The following ABCF2 variants were observed in gnomAD, a reference collection of about 807,000 sequenced individuals.
ABCF2 encodes ATP binding cassette subfamily F member 2, also known as ATP-binding cassette sub-family F member 2.
In ABCF2, 37 loss-of-function variants were observed where a neutral mutation model predicts 76.9. The observed-to-expected ratio is 0.48, with a 90% CI of 0.37 to 0.63. The LOEUF is 0.63. Among genes scored for constraint, ABCF2 ranks in the 30% least tolerant of loss-of-function variants. ABCF2 has a pLI of 0.00. For missense variants in ABCF2, 524 were observed against 782.1 expected (o/e 0.67, Z 3.94); for synonymous variants, 299 against 283.7 (o/e 1.05, Z -0.54).
Position 151,215,489 on chromosome 7 carries a change from G to A in ABCF2, c.1530+115C>T. 7.6e-7 allele frequency: 1 copy of A among 1,311,886 alleles called. No individual in the cohort carries two copies. The highest frequency in any genetic ancestry group is 1.1e-6 in the Non-Finnish European group (1 of 945,074). 81.3% of individuals were successfully genotyped at this position (1,311,886 alleles called of 1,614,324 possible). A position where few individuals can be genotyped will look rare whatever the true frequency, so the allele number is the denominator to read the frequency against. The stretch of plus-strand genomic sequence containing the variant: ...TAGGTTCTTAGGGGAGTCAAATGGA[G>A]GAGACTCTGGTTTGGACAGCTTCCA... On this transcript the variant is annotated intron_variant, in intron 13 of 14. Coordinates refer to ENST00000287844, the MANE Select transcript of ABCF2 (RefSeq NM_007189.3). This position sits in a 1 kb window ranked among gnomAD's most constrained non-coding sequence, Gnocchi z 4.6.
intron 9 of ABCF2, 34 bp from the exon 10 acceptor site, chr7:151,218,684 T>G (rs1207755011): frequency 3.7e-6 from 6 of 1,613,552 alleles, no homozygotes; most frequent in African/African-American, 2.7e-5. Context: ...TCAAGTTGGC[T>G]CCTTTCTTAT....
rs546649856 is a variant in ABCF2 at position 151,215,245 on chromosome 7, C to A, written c.1531-163G>T. 5.3e-5 allele frequency among the ~76,000 whole-genome samples: 8 copies of A among 152,274 alleles called. No homozygotes were observed. The highest frequency in any genetic ancestry group is 1.9e-4 in the African/African-American group (8 of 41,548). ...CTCTTGAGGCCTGAAAGAGACTCAT[C>A]CGGAAACCTGAAGCCCTTGCCATTA... On this transcript the variant is annotated intron_variant, in intron 13 of 14. Transcript: ENST00000287844. The surrounding 1 kb of genome is among the most constrained non-coding windows in gnomAD (Gnocchi z 4.6).
intron 6 of ABCF2, 60 bp from the exon 7 acceptor site, chr7:151,221,740 G>A: frequency 7.7e-7 from 1 of 1,297,138 alleles, no homozygotes; most frequent in Non-Finnish European, 1.1e-6. Context: ...CTGACAACAG[G>A]TGAACTGAAA....
Position 151,218,953 on chromosome 7 carries a change from G to A in ABCF2, c.1018-80C>T, listed in dbSNP as rs959666710. Reference sequence around the variant, plus strand: ...TCAATCCAGGGTAAAAATGTTGATCGTAACTTCTTCCCGACATCCTCCATC... The same window carrying A: ...TCAATCCAGGGTAAAAATGTTGATCATAACTTCTTCCCGACATCCTCCATC... On this transcript the variant is annotated intron_variant, in intron 8 of 14. Transcript: ENST00000287844. 3.9e-5 allele frequency: 63 copies of A among 1,608,278 alleles called. No homozygotes were observed. The Middle Eastern group carries it at 8.2e-4, about 21-fold the overall frequency.
In ABCF2 at chr7:151,212,289, C is replaced by A; in HGVS notation, c.*1765G>T. On this transcript the variant is annotated 3_prime_UTR_variant, in exon 15 of 15. Coordinates refer to ENST00000287844, the MANE Select transcript of ABCF2 (RefSeq NM_007189.3). Reference sequence around the variant, plus strand: ...GAAATGCTATTGAAGTTCAAAAGACCCAGATAAGGTATGCAGAGCCCTGGG... The same window carrying A: ...GAAATGCTATTGAAGTTCAAAAGACACAGATAAGGTATGCAGAGCCCTGGG... 1 of 985,336 alleles carries A rather than the reference C, an allele frequency of 1.0e-6. No homozygotes were observed. The highest frequency in any genetic ancestry group is 1.2e-6 in the Non-Finnish European group (1 of 829,930). 61.0% of individuals were successfully genotyped at this position (985,336 alleles called of 1,614,324 possible). A position where few individuals can be genotyped will look rare whatever the true frequency, so the allele number is the denominator to read the frequency against.
chr7:151,213,077 A>T lies in ABCF2; in HGVS notation c.*977T>A, dbSNP rs910477296. 1.0e-6 allele frequency: 1 copy of T among 985,322 alleles called. No homozygotes were observed. The highest frequency in any genetic ancestry group is 1.7e-5 in the African/African-American group (1 of 57,226). 61.0% of individuals were successfully genotyped at this position (985,322 alleles called of 1,614,324 possible). ...CCGCACCTGGCCTGCATTTTTAACA[A>T]GCAGCCCAACTGCTGTGCAGTTGGG... is the stretch of plus-strand genomic sequence containing the variant. On this transcript the variant is annotated 3_prime_UTR_variant, in exon 15 of 15. Coordinates refer to ENST00000287844, the MANE Select transcript of ABCF2 (RefSeq NM_007189.3).
chr7:151,212,099 G>GAA lies in ABCF2; in HGVS notation c.*1953_*1954dup. ...TGGTTCTGTCTTACTGGCTTTCCAA[G>GAA]AAGATCATGAGCTCCTAAGGGGTTT... On this transcript the variant is annotated 3_prime_UTR_variant, in exon 15 of 15. Transcript: ENST00000287844. 16 of 979,108 alleles carry GAA rather than the reference G, an allele frequency of 1.6e-5. No individual in the cohort carries two copies. Among genetic ancestry groups the GAA allele is most frequent in the Non-Finnish European group, 1.9e-5 (16 of 824,204 alleles). The allele number at this position is 979,108 out of a possible 1,614,324, so 60.7% of individuals were successfully genotyped here.
chr7:151,217,519 GGCCAGACGCGGTGGCTCAC>G (rs1294145304), intron 11 of ABCF2, among the ~76,000 whole-genome samples: 1 of 152,118 alleles, frequency 6.6e-6, no homozygotes, highest in African/African-American at 2.4e-5. Context: ...TAGAAACATG[GGCCAGACGCGGTGGCTCAC>G]GCCTGTAATC....
chr7:151,211,845 A>G lies in ABCF2; in HGVS notation c.*2209T>C, dbSNP rs1441146885. The G allele has an allele frequency of 1.0e-6, 1 of 985,330 alleles. No homozygotes were observed. The highest frequency in any genetic ancestry group is 1.7e-5 in the African/African-American group (1 of 57,242). 61.0% of individuals were successfully genotyped at this position (985,330 alleles called of 1,614,324 possible). Reference sequence around the variant, plus strand: ...AGTCAAGCCAGTACCCTCTGGGGTCAGAGGACTCCCATCTGTCTCAGCTGC... The same window carrying G: ...AGTCAAGCCAGTACCCTCTGGGGTCGGAGGACTCCCATCTGTCTCAGCTGC... On this transcript the variant is annotated 3_prime_UTR_variant, in exon 15 of 15. Transcript: ENST00000287844.
chr7:151,218,682 G>A (rs766952382), intron 9 of ABCF2, 32 bp from the exon 10 acceptor site: 3 of 1,613,050 alleles, frequency 1.9e-6, no homozygotes, highest in Admixed American at 1.7e-5. Context: ...TATCAAGTTG[G>A]CTCCTTTCTT....
Position 151,224,798 on chromosome 7 carries a change from G to A in ABCF2, c.345C>T (p.Gly115=), listed in dbSNP as rs776383699. 19 of 1,614,064 alleles carry A rather than the reference G, an allele frequency of 1.2e-5. No individual in the cohort carries two copies. Among genetic ancestry groups the A allele is most frequent in the Non-Finnish European group, 1.5e-5 (18 of 1,180,038 alleles). Residue 115 remains glycine (G), a synonymous_variant, in exon 3 of 15, where the codon GGC becomes GGT. Transcript: ENST00000287844. ...CACCAATTCCATTTAAACCAATGAGGCCATAACGACGGCCTGAGTTTAATT... is the reference window on the plus strand; with the variant it reads ...CACCAATTCCATTTAAACCAATGAGACCATAACGACGGCCTGAGTTTAATT... ...KLELNSGRRY[G]LIGLNGIGKS...
At chr7:151,223,875 C>T in intron 4 of ABCF2, 26 bp from the exon 5 acceptor site, 2 of 1,605,612 alleles carry the variant, frequency 1.2e-6, no homozygotes, top group Non-Finnish European at 1.7e-6. Flanking sequence ...GGCCATGAGG[C>T]TCCTGGGGGC....
chr7:151,212,333 GTGA>G lies in ABCF2; in HGVS notation c.*1718_*1720del, dbSNP rs1374854602. The G allele has an allele frequency of 7.1e-6, 7 of 985,324 alleles. No homozygotes were observed. The African/African-American group carries it at 8.7e-5, about 12-fold the overall frequency. 61.0% of individuals were successfully genotyped at this position (985,324 alleles called of 1,614,324 possible). A position where few individuals can be genotyped will look rare whatever the true frequency, so the allele number is the denominator to read the frequency against. ...CCCTGGGCTGGAAGTGAATTCAACA[GTGA>G]TGATAACTATGGCTGTGGACAGGTA... On this transcript the variant is annotated 3_prime_UTR_variant, in exon 15 of 15. Transcript: ENST00000287844.
At chr7:151,216,543 A>C (rs1173241046) in intron 11 of ABCF2, among the ~76,000 whole-genome samples, 1 of 152,204 alleles carries the variant, frequency 6.6e-6, no homozygotes. Context: ...TCTTTTCTTT[A>C]AGAGGGAGTC....
chr7:151,213,153 CA>C lies in ABCF2; in HGVS notation c.*900del. ...AACCACGCTCCTGGACAGTGGTTCTCAAAATAGTCTCTAGACCAGCAACAAC... is the reference window on the plus strand; with the variant it reads ...AACCACGCTCCTGGACAGTGGTTCTCAAATAGTCTCTAGACCAGCAACAAC... On this transcript the variant is annotated 3_prime_UTR_variant, in exon 15 of 15. Transcript: ENST00000287844. 1 of 985,368 alleles carries C rather than the reference CA, an allele frequency of 1.0e-6. No homozygotes were observed. Among genetic ancestry groups the C allele is most frequent in the East Asian group, 1.1e-4 (1 of 8,808 alleles). 61.0% of individuals were successfully genotyped at this position (985,368 alleles called of 1,614,324 possible).
Position 151,214,748 on chromosome 7 carries a change from ACCT to A in ABCF2, c.1734+128_1734+130del. On this transcript the variant is annotated intron_variant, in intron 14 of 14. Coordinates refer to ENST00000287844, the MANE Select transcript of ABCF2 (RefSeq NM_007189.3). This position sits in a 1 kb window ranked among gnomAD's most constrained non-coding sequence, Gnocchi z 4.9. ...AGAGGCATAAGAACTGGTCCTCACC[ACCT>A]GTGTCTACACTCTGAGCCCCTTCTC... The A allele has an allele frequency of 2.4e-6, 2 of 827,204 alleles. No homozygotes were observed. The highest frequency in any genetic ancestry group is 3.8e-6 in the Non-Finnish European group (2 of 521,856). The allele number at this position is 827,204 out of a possible 1,614,324, so 51.2% of individuals were successfully genotyped here.
Position 151,213,087 on chromosome 7 carries a change from C to T in ABCF2, c.*967G>A. The T allele has an allele frequency of 1.2e-5, 12 of 985,450 alleles. No homozygotes were observed. The highest frequency in any genetic ancestry group is 1.4e-5 in the Non-Finnish European group (12 of 829,964). 61.0% of individuals were successfully genotyped at this position (985,450 alleles called of 1,614,324 possible). A position where few individuals can be genotyped will look rare whatever the true frequency, so the allele number is the denominator to read the frequency against. On this transcript the variant is annotated 3_prime_UTR_variant, in exon 15 of 15. Coordinates refer to ENST00000287844, the MANE Select transcript of ABCF2 (RefSeq NM_007189.3). ...CCTGCATTTTTAACAAGCAGCCCAA[C>T]TGCTGTGCAGTTGGGGCAGAACCTC...
rs760814381 is a variant in ABCF2, at chr7:151,211,643, C to T, written c.*2411G>A. On this transcript the variant is annotated 3_prime_UTR_variant, in exon 15 of 15. Transcript: ENST00000287844. Reference sequence around the variant, plus strand: ...GAGACTCTGGAGATCCCGAGACTACCTGAATTCTTAGCAATATCCAGCACT... The same window carrying T: ...GAGACTCTGGAGATCCCGAGACTACTTGAATTCTTAGCAATATCCAGCACT... 226 of 985,422 alleles carry T rather than the reference C, an allele frequency of 2.3e-4. No homozygotes were observed. The highest frequency in any genetic ancestry group is 2.5e-4 in the Non-Finnish European group (206 of 829,932). 61.0% of individuals were successfully genotyped at this position (985,422 alleles called of 1,614,324 possible).
intron 7 of ABCF2, among the ~76,000 whole-genome samples, chr7:151,219,409 G>A (rs936861123): frequency 1.3e-5 from 2 of 152,212 alleles, no homozygotes; most frequent in Non-Finnish European, 2.9e-5. Context: ...TAGCTAGAAA[G>A]ACACCTGTGG....
Sources: gnomAD v4.1 joint callset for allele counts (sites outside exome capture counted in the v4.1 genomes callset) on GRCh38, gnomAD v4.1.1 for gene constraint, Gnocchi (gnomAD v3.1) non-coding constraint, MANE v1.5 for transcripts, NCBI Gene and HGNC (gene_info 2026-07-23, HGNC 2026-07-21) for gene names.